Variants in TRIP12 observed in about 807,000 individuals in gnomAD.
TRIP12 encodes thyroid hormone receptor interactor 12.
In TRIP12, 25 loss-of-function variants were observed where a neutral mutation model predicts 244.2. That is an observed-to-expected ratio of 0.10 (90% CI 0.07 to 0.14). TRIP12 has a LOEUF of 0.14. TRIP12 is among the 10% of genes least tolerant of loss of function. TRIP12 has a pLI of 1.00. For missense variants in TRIP12, 1,677 were observed against 2,486.4 expected, an observed-to-expected ratio of 0.67 and a Z score of 6.92; for synonymous variants, 905 against 873.1, an observed-to-expected ratio of 1.04 and a Z score of -0.64.
chr2:229,769,369 T>C (rs774840436), intron 39 of TRIP12, 44 bp from the exon 40 acceptor site: 1 of 1,587,076 alleles, frequency 6.3e-7, no homozygotes, highest in South Asian at 1.1e-5. Context: ...AAGGAAACAT[T>C]TGTTTACGTG....
intron 13 of TRIP12, among the ~76,000 whole-genome samples, chr2:229,813,405 C>T (rs2047734885): frequency 6.6e-6 from 1 of 152,052 alleles, no homozygotes; most frequent in Non-Finnish European, 1.5e-5. Flanking sequence ...CCTAATATGG[C>T]ACATAACTGG....
At chr2:229,824,514 GA>G (rs58791931) in intron 8 of TRIP12, among the ~76,000 whole-genome samples, 1 of 150,528 alleles carries the variant, frequency 6.6e-6, no homozygotes, top group African/African-American at 2.4e-5. Flanking sequence ...CTTGCCAATA[GA>G]AAAAAAAACT....
At chr2:229,855,314 G>A (rs912516389) in intron 4 of TRIP12, among the ~76,000 whole-genome samples, 1 of 152,058 alleles carries the variant, frequency 6.6e-6, no homozygotes, top group African/African-American at 2.4e-5. Flanking sequence ...ATACAAGACC[G>A]ATGAGGAACA....
intron 2 of TRIP12, among the ~76,000 whole-genome samples, chr2:229,870,589 G>C (rs945292980): frequency 1.3e-5 from 2 of 152,322 alleles, no homozygotes; most frequent in Admixed American, 1.3e-4. Context: ...CAGAATTTCA[G>C]TAAGATAAGG....
In TRIP12 at chr2:229,793,063, A is replaced by C. The variant is rs746638865; in HGVS notation, c.4051T>G (p.Cys1351Gly). ...LKCQLQRHPD[C>G]ANVKQWKGGP... is the part of the protein sequence containing the mutation. ...CCCTTCCACTGCTTCACATTTGCAC[A>C]GTCTGGATGCCTTTGTAACTGGCAT... Residue 1351 changes from cysteine to glycine, a missense_variant, in exon 27 of 42, where the codon TGT (cysteine) becomes GGT (glycine). Cys to Gly is a radical substitution (Grantham distance 159). Transcript: ENST00000675903. 5 of 1,613,996 alleles carry C rather than the reference A, an allele frequency of 3.1e-6. No homozygotes were observed. The highest frequency in any genetic ancestry group is 4.2e-6 in the Non-Finnish European group (5 of 1,179,914).
At position 229,796,602 on chromosome 2, in the gene TRIP12, A is replaced by T; in HGVS notation, c.3805T>A (p.Phe1269Ile). Residue 1269 changes from phenylalanine to isoleucine, a missense_variant, in exon 25 of 42, where the codon TTT (phenylalanine) becomes ATT (isoleucine). Phe to Ile is a conservative substitution (Grantham distance 21, BLOSUM62 0). This residue lies in a region of TRIP12 where 77 missense variants were observed against 69.2 expected (regional missense o/e 1.11). Coordinates refer to ENST00000675903, the MANE Select transcript of TRIP12 (RefSeq NM_001348323.3). ...IRLKRFLHVFFSSPLPGEEPI... is the reference protein window; with the variant it reads ...IRLKRFLHVFISSPLPGEEPI... ...ATTAGATAACTTACTGGAGAAGAAA[A>T]AAATACATGAAGAAATCGCTTTAAT... is the stretch of plus-strand genomic sequence containing the variant. The T allele has an allele frequency of 1.3e-6, 2 of 1,588,942 alleles. No homozygotes were observed. The highest frequency in any genetic ancestry group is 1.7e-6 in the Non-Finnish European group (2 of 1,171,940).
intron 1 of TRIP12, among the ~76,000 whole-genome samples, chr2:229,920,434 G>T (rs1463815103): frequency 6.6e-6 from 1 of 152,050 alleles, no homozygotes; most frequent in Non-Finnish European, 1.5e-5. Flanking sequence ...CGTCCACTTA[G>T]AACGGATTCA....
In TRIP12 at chr2:229,765,596, T is replaced by A. The variant is rs1031421459; in HGVS notation, c.*1958A>T. 6.6e-6 allele frequency: 1 copy of A among 152,222 alleles called. No individual in the cohort carries two copies. The highest frequency in any genetic ancestry group is 1.5e-5 in the Non-Finnish European group (1 of 68,036). The allele number at this position is 152,222 out of a possible 1,614,324, so 9.4% of individuals were successfully genotyped here. ...GCTGCAACATGGATAAAATGTCAAG[T>A]ACAGATGAAACATTATTTTGTTTAT... is the stretch of plus-strand genomic sequence containing the variant. On this transcript the variant is annotated 3_prime_UTR_variant, in exon 42 of 42. Coordinates refer to ENST00000675903, the MANE Select transcript of TRIP12 (RefSeq NM_001348323.3).
chr2:229,898,242 TA>T (rs1240117107), intron 1 of TRIP12, among the ~76,000 whole-genome samples: 1 of 152,266 alleles, frequency 6.6e-6, no homozygotes, highest in East Asian at 1.9e-4. Context: ...AATGTTTGAA[TA>T]TTTTTTAAGT....
At chr2:229,863,344 A>T in intron 2 of TRIP12, among the ~76,000 whole-genome samples, 1 of 152,262 alleles carries the variant, frequency 6.6e-6, no homozygotes. Context: ...ATATTTTAAA[A>T]ATATAAAATA....
chr2:229,852,184 C>T (rs539785658), intron 4 of TRIP12, among the ~76,000 whole-genome samples: 2 of 152,288 alleles, frequency 1.3e-5, no homozygotes, highest in African/African-American at 2.4e-5. Context: ...TTACTAATAA[C>T]GTGCACATGA....
chr2:229,906,574 G>T (rs2072888293), intron 1 of TRIP12, among the ~76,000 whole-genome samples: 1 of 151,424 alleles, frequency 6.6e-6, no homozygotes, highest in African/African-American at 2.4e-5. Flanking sequence ...ACAAAAATTA[G>T]CTGGGCATGG....
intron 38 of TRIP12, 80 bp downstream of exon 38, chr2:229,774,017 T>C: frequency 6.8e-7 from 1 of 1,478,114 alleles, no homozygotes. Flanking sequence ...CCATAGCGTG[T>C]GCAGCCAGAA....
In TRIP12 at chr2:229,859,439, T is replaced by C; in HGVS notation, c.360A>G (p.Pro120=). Residue 120 remains proline (P), a synonymous_variant, in exon 4 of 42, where the codon CCA becomes CCG. Transcript: ENST00000675903. ...TAGGAGAATTGGTCCTGTTGTAGTCTGGACTAGCACTGCGCTTCACTCCTC... is the reference window on the plus strand; with the variant it reads ...TAGGAGAATTGGTCCTGTTGTAGTCCGGACTAGCACTGCGCTTCACTCCTC... ...NSRGVKRSAS[P]DYNRTNSPSS... is the part of the protein sequence containing the mutation. The C allele has an allele frequency of 1.2e-6, 2 of 1,614,240 alleles. No individual in the cohort carries two copies. Among genetic ancestry groups the C allele is most frequent in the Non-Finnish European group, 1.7e-6 (2 of 1,180,038 alleles).
intron 21 of TRIP12, among the ~76,000 whole-genome samples, chr2:229,801,430 G>T (rs1466808931): frequency 6.6e-6 from 1 of 152,096 alleles, no homozygotes; most frequent in Non-Finnish European, 1.5e-5. Context: ...CAGATTATAA[G>T]ATTAAATTTT....
At chr2:229,870,462 T>C (rs2062361071) in intron 2 of TRIP12, among the ~76,000 whole-genome samples, 1 of 152,154 alleles carries the variant, frequency 6.6e-6, no homozygotes, top group Non-Finnish European at 1.5e-5. Flanking sequence ...GAGTCTGTAG[T>C]TCCCGGGGAT....
At chr2:229,836,744 C>T in intron 6 of TRIP12, 104 bp downstream of exon 6, 1 of 1,320,138 alleles carries the variant, frequency 7.6e-7, no homozygotes, top group Non-Finnish European at 1.0e-6. Flanking sequence ...CAAAACAGAA[C>T]AAGAAGTTTA....
rs1431146175 is a variant in TRIP12, at chr2:229,765,647, T to C, written c.*1907A>G. 1 of 152,224 alleles carries C rather than the reference T, an allele frequency of 6.6e-6. No homozygotes were observed. The highest frequency in any genetic ancestry group is 6.5e-5 in the Admixed American group (1 of 15,282). The allele number at this position is 152,224 out of a possible 1,614,324, so 9.4% of individuals were successfully genotyped here. ...ACATGTCTAAATTTTAACAGAACCC[T>C]TTAAAAATCAGGAACAAAATGCTAT... On this transcript the variant is annotated 3_prime_UTR_variant, in exon 42 of 42. Transcript: ENST00000675903.
At chr2:229,862,871 T>C (rs2060691945) in intron 2 of TRIP12, among the ~76,000 whole-genome samples, 2 of 152,192 alleles carry the variant, frequency 1.3e-5, no homozygotes, top group African/African-American at 2.4e-5. Context: ...CTCTATATTA[T>C]ACCACAAAAA....
Sources: gnomAD v4.1 joint callset for allele counts (sites outside exome capture counted in the v4.1 genomes callset) on GRCh38, gnomAD v4.1.1 for gene constraint, gnomAD v4.1.1 regional missense constraint, MANE v1.5 for transcripts, NCBI Gene and HGNC (gene_info 2026-07-23, HGNC 2026-07-21) for gene names.